The following CACNA1E variants were observed in gnomAD, a reference collection of about 807,000 sequenced individuals.
CACNA1E encodes the protein calcium voltage-gated channel subunit alpha1 E.
A neutral mutation model predicts 259.2 loss-of-function variants in CACNA1E; 40 were observed. The observed-to-expected ratio is 0.15, with a 90% CI of 0.12 to 0.20. The LOEUF (loss-of-function observed/expected upper bound fraction) is 0.20. Ranked by LOEUF, CACNA1E falls within the 10% of genes least tolerant of loss-of-function variation. CACNA1E has a pLI of 1.00. For missense variants in CACNA1E, 1,874 were observed against 3,040.1 expected (o/e 0.62, Z 9.02); for synonymous variants, 1,104 against 1,138.5 (o/e 0.97, Z 0.61).
intron 6 of CACNA1E, among the ~76,000 whole-genome samples, chr1:181,593,418 T>A (rs1339918773): frequency 1.3e-5 from 2 of 152,246 alleles, no homozygotes; most frequent in East Asian, 3.8e-4. Context: ...TTTGTACATA[T>A]TGAAAAACAT....
intron 3 of CACNA1E, among the ~76,000 whole-genome samples, chr1:181,528,153 G>T (rs1221766620): frequency 6.7e-6 from 1 of 150,240 alleles, no homozygotes; most frequent in Non-Finnish European, 1.5e-5. Context: ...GGGGTGGGGG[G>T]GGCAGTAATT....
At chr1:181,492,782 C>G (rs188330696) in intron 1 of CACNA1E, among the ~76,000 whole-genome samples, 7 of 152,270 alleles carry the variant, frequency 4.6e-5, no homozygotes, top group African/African-American at 1.7e-4. Flanking sequence ...AACTTTTATG[C>G]CTTGGGCTTA....
chr1:181,745,143 G>T (rs1233381494), intron 25 of CACNA1E, among the ~76,000 whole-genome samples: 1 of 152,124 alleles, frequency 6.6e-6, no homozygotes, highest in African/African-American at 2.4e-5. Context: ...GGGAGTGAGT[G>T]TCTGAAAGGA....
At chr1:181,790,586 C>G (rs1661216294) in intron 44 of CACNA1E, 30 bp downstream of exon 44, 4 of 1,302,760 alleles carry the variant, frequency 3.1e-6, no homozygotes, top group Non-Finnish European at 4.5e-6. Context: ...GACCTCAAAA[C>G]TACTTCCTTG....
At chr1:181,627,765 A>G (rs879334388) in intron 6 of CACNA1E, among the ~76,000 whole-genome samples, 4 of 152,236 alleles carry the variant, frequency 2.6e-5, no homozygotes, top group Admixed American at 2.6e-4. Context: ...GGGTGAGGCT[A>G]CAGGTTGCTA....
In CACNA1E at chr1:181,483,627, G is replaced by C; in HGVS notation, c.-118G>C. The C allele has an allele frequency of 1.6e-6, 1 of 608,560 alleles. No individual in the cohort carries two copies. The highest frequency in any genetic ancestry group is 3.1e-5 in the East Asian group (1 of 32,560). 37.7% of individuals were successfully genotyped at this position (608,560 alleles called of 1,614,324 possible). On this transcript the variant is annotated 5_prime_UTR_variant, in exon 1 of 48. Coordinates refer to ENST00000367573, the MANE Select transcript of CACNA1E (RefSeq NM_001205293.3). ...GCTCGCGGAGCTCCCCAGAGGCGGT[G>C]GTCCCCGTGCTTGTCTGGATGCGGC... is the stretch of plus-strand genomic sequence containing the variant.
chr1:181,581,667 C>CAAA (rs1651558025), intron 6 of CACNA1E, among the ~76,000 whole-genome samples: 1 of 152,150 alleles, frequency 6.6e-6, no homozygotes, highest in Non-Finnish European at 1.5e-5. Context: ...GGTGCAGACT[C>CAAA]TATGCTCAAA....
intron 1 of CACNA1E, among the ~76,000 whole-genome samples, chr1:181,334,088 T>C (rs1356755957): frequency 6.6e-6 from 1 of 152,228 alleles, no homozygotes; most frequent in African/African-American, 2.4e-5. Context: ...AAATTCTTCT[T>C]TCCAAGATCA....
At chr1:181,774,611 C>A (rs1659809499) in intron 37 of CACNA1E, among the ~76,000 whole-genome samples, 1 of 152,200 alleles carries the variant, frequency 6.6e-6, no homozygotes, top group Non-Finnish European at 1.5e-5. Flanking sequence ...AGAGAAGACA[C>A]CTAGACCTCC....
intron 6 of CACNA1E, among the ~76,000 whole-genome samples, chr1:181,611,164 C>CT (rs1654717401): frequency 6.6e-6 from 1 of 152,200 alleles, no homozygotes; most frequent in South Asian, 2.1e-4. Flanking sequence ...GCTGCCAGCC[C>CT]TTTTGTCCTT....
intron 30 of CACNA1E, 97 bp downstream of exon 30, chr1:181,757,223 G>C: frequency 1.3e-6 from 1 of 793,888 alleles, no homozygotes; most frequent in South Asian, 1.6e-5. Flanking sequence ...TTCTTAACTT[G>C]ATTAAGAATT....
chr1:181,783,405 A>G (rs914169407), intron 39 of CACNA1E, among the ~76,000 whole-genome samples: 3 of 152,142 alleles, frequency 2.0e-5, no homozygotes, highest in Non-Finnish European at 4.4e-5. Flanking sequence ...GGGGGGCCTT[A>G]CTGAATGATT....
intron 1 of CACNA1E, among the ~76,000 whole-genome samples, chr1:181,496,292 A>G (rs576626225): frequency 1.3e-4 from 20 of 152,228 alleles, no homozygotes; most frequent in Non-Finnish European, 2.5e-4. Flanking sequence ...AGCTTTTGAT[A>G]AAAACAGATA....
chr1:181,763,175 G>C (rs1473135391), intron 33 of CACNA1E, among the ~76,000 whole-genome samples: 1 of 152,066 alleles, frequency 6.6e-6, no homozygotes, highest in Non-Finnish European at 1.5e-5. Context: ...TGTGTGCAGG[G>C]TACCCTTCTC....
intron 1 of CACNA1E, among the ~76,000 whole-genome samples, chr1:181,391,931 CTCTCTCTCTCTCTCTG>C (rs1297019564): frequency 7.3e-4 from 44 of 59,926 alleles, no homozygotes; most frequent in African/African-American, 2.1e-3. Flanking sequence ...CTCTGTCTCT[CTCTCTCTCTCTCTCTG>C]TGTGTGTGTG....
Position 181,737,635 on chromosome 1 carries a change from C to T in CACNA1E, c.3533C>T (p.Thr1178Ile). The change falls in exon 23 of 48, where the codon ACC (threonine) becomes ATC (isoleucine). Residue 1178 changes from threonine to isoleucine, a missense_variant. Physicochemically the swap from Thr to Ile is moderately conservative, Grantham distance 89 (BLOSUM62 -1). Coordinates refer to ENST00000367573, the MANE Select transcript of CACNA1E (RefSeq NM_001205293.3). The stretch of plus-strand genomic sequence containing the variant: ...CTGGCGGCAGAGGACCCCGTCCTGA[C>T]CAACTCGGAGCGCAACAAAGTGGGT... ...IALAAEDPVL[T>I]NSERNKVLRY... 6.2e-7 allele frequency: 1 copy of T among 1,613,964 alleles called. No individual in the cohort carries two copies. Among genetic ancestry groups the T allele is most frequent in the Non-Finnish European group, 8.5e-7 (1 of 1,179,842 alleles).
chr1:181,325,274 C>T (rs1041849058), intron 1 of CACNA1E, among the ~76,000 whole-genome samples: 2 of 152,204 alleles, frequency 1.3e-5, no homozygotes, highest in Non-Finnish European at 2.9e-5. Context: ...TGTGTCCCTG[C>T]CCCTCACTTC....
intron 1 of CACNA1E, among the ~76,000 whole-genome samples, chr1:181,388,551 G>A (rs999292995): frequency 6.6e-6 from 1 of 152,106 alleles, no homozygotes; most frequent in Non-Finnish European, 1.5e-5. Flanking sequence ...AAGTATTTGT[G>A]TATCTAATAA....
chr1:181,342,784 A>C (rs541161655), intron 1 of CACNA1E, among the ~76,000 whole-genome samples: 69 of 152,336 alleles, frequency 4.5e-4, no homozygotes, highest in Non-Finnish European at 7.3e-4. Flanking sequence ...TAGAGAACAC[A>C]AAGTGGGCTT....
Sources: allele counts gnomAD v4.1 joint callset (sites outside exome capture counted in the v4.1 genomes callset), GRCh38; gene constraint gnomAD v4.1.1; transcripts MANE v1.5; gene names NCBI Gene and HGNC (gene_info 2026-07-23, HGNC 2026-07-21).